The following MPHOSPH9 variants were observed in gnomAD, a reference collection of about 807,000 sequenced individuals.
The protein encoded by MPHOSPH9 is M-phase phosphoprotein 9.
A neutral mutation model predicts 145.5 loss-of-function variants in MPHOSPH9; 88 were observed. That is an observed-to-expected ratio of 0.60 (90% CI 0.51 to 0.72). MPHOSPH9 has a LOEUF of 0.72. Ranked by LOEUF, MPHOSPH9 falls within the 30% of genes least tolerant of loss-of-function variation. MPHOSPH9 has a pLI of 0.00. For missense variants in MPHOSPH9, 1,238 were observed against 1,386.6 expected, an observed-to-expected ratio of 0.89 and a Z score of 1.70; for synonymous variants, 435 against 486.2, an observed-to-expected ratio of 0.89 and a Z score of 1.39.
At chr12:123,157,646 G>A (rs568874597) in intron 23 of MPHOSPH9, among the ~76,000 whole-genome samples, 8 of 151,868 alleles carry the variant, frequency 5.3e-5, no homozygotes, top group Non-Finnish European at 1.0e-4. Flanking sequence ...ACACCTGGCT[G>A]ATTTTAAACA....
chr12:123,227,582 A>G lies in MPHOSPH9; in HGVS notation c.139T>C (p.Ser47Pro). ...SPHLSTNGVS[S>P]FSGKTRPSVI... The stretch of plus-strand genomic sequence containing the variant: ...GATGGTCTGGTCTTCCCTGAGAAAG[A>G]GGATACCCCATTTGTACTAAGGTGG... Residue 47 changes from serine to proline, a missense_variant, in exon 3 of 24, where the codon TCT becomes CCT. Ser to Pro is a moderately conservative substitution (Grantham distance 74). This residue lies in a region of MPHOSPH9 where 837 missense variants were observed against 897.5 expected (regional missense o/e 0.93). Transcript: ENST00000606320. 1 of 1,531,838 alleles carries G rather than the reference A, an allele frequency of 6.5e-7. No individual in the cohort carries two copies. The highest frequency in any genetic ancestry group is 8.7e-7 in the Non-Finnish European group (1 of 1,144,776). 94.9% of individuals were successfully genotyped at this position (1,531,838 alleles called of 1,614,324 possible).
intron 11 of MPHOSPH9, among the ~76,000 whole-genome samples, chr12:123,201,243 G>GTTTT (rs386378027): frequency 6.6e-6 from 1 of 151,948 alleles, no homozygotes; most frequent in Non-Finnish European, 1.5e-5. Context: ...GTTTTGTTTT[G>GTTTT]TTTTTTTGAA....
intron 8 of MPHOSPH9, among the ~76,000 whole-genome samples, chr12:123,205,475 G>A (rs139129887): frequency 6.6e-6 from 1 of 152,278 alleles, no homozygotes; most frequent in African/African-American, 2.4e-5. Flanking sequence ...GAACCCAGGA[G>A]GCGGAGGATG....
In MPHOSPH9 at chr12:123,156,635, A is replaced by C; in HGVS notation, c.*172T>G. On this transcript the variant is annotated 3_prime_UTR_variant, in exon 24 of 24. Coordinates refer to ENST00000606320, the MANE Select transcript of MPHOSPH9 (RefSeq NM_022782.4). ...AGAGATTCCTGAGCATAACAAAAAT[A>C]TCTTGAAAATATGTGGCCATTTGAA... 2.2e-6 allele frequency: 1 copy of C among 450,022 alleles called. No homozygotes were observed. Among genetic ancestry groups the C allele is most frequent in the Non-Finnish European group, 3.9e-6 (1 of 256,024 alleles). 27.9% of individuals were successfully genotyped at this position (450,022 alleles called of 1,614,324 possible). A position where few individuals can be genotyped will look rare whatever the true frequency, so the allele number is the denominator to read the frequency against.
chr12:123,156,055 T>C lies in MPHOSPH9; in HGVS notation c.*752A>G, dbSNP rs1385822634. 1.3e-5 allele frequency: 2 copies of C among 152,232 alleles called. No homozygotes were observed. Among genetic ancestry groups the C allele is most frequent in the Non-Finnish European group, 2.9e-5 (2 of 68,056 alleles). The allele number at this position is 152,232 out of a possible 1,614,324, so 9.4% of individuals were successfully genotyped here. ...GTATTTCAAAGGGTTTATCTGTCCA[T>C]TTATTGTCCAGGGTGGGACACAAGT... On this transcript the variant is annotated 3_prime_UTR_variant, in exon 24 of 24. Coordinates refer to ENST00000606320, the MANE Select transcript of MPHOSPH9 (RefSeq NM_022782.4).
chr12:123,153,594 C>A (rs1356795958), downstream of MPHOSPH9, among the ~76,000 whole-genome samples: 2 of 151,838 alleles, frequency 1.3e-5, no homozygotes, highest in African/African-American at 4.8e-5. Context: ...TGGTGAGAAC[C>A]CCGTCTCTAC....
chr12:123,196,797 C>T (rs566908159), intron 12 of MPHOSPH9, among the ~76,000 whole-genome samples: 1 of 152,116 alleles, frequency 6.6e-6, no homozygotes, highest in Admixed American at 6.6e-5. Flanking sequence ...TGGTATTATT[C>T]ACAGAATGAA....
chr12:123,188,712 G>A (rs1459067026), intron 13 of MPHOSPH9, among the ~76,000 whole-genome samples: 5 of 152,172 alleles, frequency 3.3e-5, no homozygotes, highest in Non-Finnish European at 1.5e-5. Flanking sequence ...GCCAGGCATG[G>A]TGGTGCACAC....
intron 8 of MPHOSPH9, among the ~76,000 whole-genome samples, chr12:123,207,080 T>A (rs2046466948): frequency 8.4e-6 from 1 of 119,752 alleles, no homozygotes; most frequent in Non-Finnish European, 1.8e-5. Flanking sequence ...TACTGATACA[T>A]AATAAAACCT....
At chr12:123,218,842 C>A (rs1043644333) in intron 5 of MPHOSPH9, among the ~76,000 whole-genome samples, 1 of 151,344 alleles carries the variant, frequency 6.6e-6, no homozygotes, top group African/African-American at 2.4e-5. Flanking sequence ...AGATACTGTA[C>A]TTCACATATA....
intron 13 of MPHOSPH9, among the ~76,000 whole-genome samples, chr12:123,187,841 C>T (rs892678567): frequency 3.9e-5 from 6 of 152,138 alleles, no homozygotes; most frequent in Admixed American, 1.3e-4. Flanking sequence ...AGAGGTAATT[C>T]TGGGCTGGGC....
At chr12:123,230,609 G>A (rs2047601813) in intron 1 of MPHOSPH9, 87 bp from the exon 2 acceptor site, 1 of 348,590 alleles carries the variant, frequency 2.9e-6, no homozygotes, top group African/African-American at 2.1e-5. Flanking sequence ...AACCTTAACT[G>A]CTTTCATACA....
intron 1 of MPHOSPH9, among the ~76,000 whole-genome samples, chr12:123,243,332 C>T (rs2047974955): frequency 6.6e-6 from 1 of 151,760 alleles, no homozygotes. Flanking sequence ...AAATCGAGAA[C>T]AGCCTGGCTA....
chr12:123,172,308 T>C (rs2044617843), intron 16 of MPHOSPH9, among the ~76,000 whole-genome samples: 1 of 151,918 alleles, frequency 6.6e-6, no homozygotes, highest in South Asian at 2.1e-4. Context: ...TTGTGGACAC[T>C]AAAATTTGAA....
In MPHOSPH9 at chr12:123,198,345, T is replaced by C; in HGVS notation, c.1938-11A>G. The C allele has an allele frequency of 2.5e-6, 4 of 1,598,914 alleles. No individual in the cohort carries two copies. Among genetic ancestry groups the C allele is most frequent in the South Asian group, 1.1e-5 (1 of 89,544 alleles). On this transcript the variant is annotated splice_polypyrimidine_tract_variant and intron_variant, in intron 11 of 23. Coordinates refer to ENST00000606320, the MANE Select transcript of MPHOSPH9 (RefSeq NM_022782.4). ...TCTAATTGGCCACATCTAAAAACCA[T>C]AAATTTAGCTTCAATTAGAAGATAA...
chr12:123,227,713 T>C, intron 2 of MPHOSPH9, 97 bp from the exon 3 acceptor site: 1 of 1,032,628 alleles, frequency 9.7e-7, no homozygotes, highest in Non-Finnish European at 1.3e-6. Flanking sequence ...ACAAAACCAC[T>C]GACATTTAAT....
chr12:123,242,398 T>C (rs1044798892), intron 1 of MPHOSPH9, among the ~76,000 whole-genome samples: 3 of 152,244 alleles, frequency 2.0e-5, no homozygotes, highest in East Asian at 3.8e-4. Flanking sequence ...CATGTCACAA[T>C]GAGCTATAAT....
rs753483273 is a variant in MPHOSPH9, at chr12:123,161,397, G to A, written c.3134-14C>T. 4.3e-6 allele frequency: 7 copies of A among 1,612,662 alleles called. No individual in the cohort carries two copies. The highest frequency in any genetic ancestry group is 5.9e-6 in the Non-Finnish European group (7 of 1,179,282). On this transcript the variant is annotated splice_polypyrimidine_tract_variant and intron_variant, in intron 21 of 23. Coordinates refer to ENST00000606320, the MANE Select transcript of MPHOSPH9 (RefSeq NM_022782.4). ...AATAAGTTTTTTCTGTCAGAGAGGA[G>A]AGAAATTGCTTATATTTCTTATCAA...
At position 123,198,313 on chromosome 12, in the gene MPHOSPH9, A is replaced by G. The variant is rs536457503; in HGVS notation, c.1959T>C (p.Ala653=). 1 of 1,612,244 alleles carries G rather than the reference A, an allele frequency of 6.2e-7. No homozygotes were observed. The highest frequency in any genetic ancestry group is 1.7e-5 in the Admixed American group (1 of 59,780). The change falls in exon 12 of 24, where the codon GCT becomes GCC. Residue 653 remains alanine (A), a synonymous_variant. Transcript: ENST00000606320. The part of the protein sequence containing the change: ...LVDRCGQLDS[A]LHEATSRVRT... ...TCACGCGACTAGTAGCTTCATGCAA[A>G]GCACTATCTAATTGGCCACATCTAA... is the stretch of plus-strand genomic sequence containing the variant.
Sources: gnomAD v4.1 joint callset for allele counts (sites outside exome capture counted in the v4.1 genomes callset) on GRCh38, gnomAD v4.1.1 for gene constraint, gnomAD v4.1.1 regional missense constraint, MANE v1.5 for transcripts, NCBI Gene and HGNC (gene_info 2026-07-23, HGNC 2026-07-21) for gene names.